The following DGKB variants were observed in gnomAD, a reference collection of about 807,000 sequenced individuals.
DGKB encodes diacylglycerol kinase beta.
In DGKB, 67 loss-of-function variants were observed where a neutral mutation model predicts 114.3. The observed-to-expected ratio is 0.59, with a 90% CI of 0.48 to 0.72. The LOEUF (loss-of-function observed/expected upper bound fraction) is 0.72. Ranked by LOEUF, DGKB falls within the 30% of genes least tolerant of loss-of-function variation. The pLI is 0.00. For synonymous variants in DGKB, 398 were observed against 323.1 expected (o/e 1.23, Z -2.49); for missense variants, 907 against 975.2 (o/e 0.93, Z 0.93).
chr7:14,668,419 G>C (rs887360788), intron 13 of DGKB, among the ~76,000 whole-genome samples: 1 of 152,094 alleles, frequency 6.6e-6, no homozygotes, highest in African/African-American at 2.4e-5. Context: ...GAAAATCTCA[G>C]AGCACAGCTC....
intron 1 of DGKB, among the ~76,000 whole-genome samples, chr7:14,848,672 C>A (rs550985925): frequency 8.6e-4 from 131 of 152,244 alleles, no homozygotes; most frequent in African/African-American, 3.1e-3. Context: ...GCCTGTACTT[C>A]TTCTTGTCTT....
chr7:14,655,908 G>T (rs1488347216), intron 13 of DGKB, among the ~76,000 whole-genome samples: 1 of 151,438 alleles, frequency 6.6e-6, no homozygotes. Context: ...GAGAGAAGTT[G>T]GTTAACTGAT....
chr7:14,383,923 T>C (rs1819902647), intron 21 of DGKB, among the ~76,000 whole-genome samples: 1 of 152,214 alleles, frequency 6.6e-6, no homozygotes, highest in Non-Finnish European at 1.5e-5. Flanking sequence ...GACATGTTAA[T>C]TGGCATTCAT....
chr7:14,885,689 T>C (rs1015879762), intron 1 of DGKB, among the ~76,000 whole-genome samples: 3 of 151,958 alleles, frequency 2.0e-5, no homozygotes, highest in Non-Finnish European at 4.4e-5. Context: ...TTTTGTACCA[T>C]GGACTGTGCT....
intron 21 of DGKB, among the ~76,000 whole-genome samples, chr7:14,375,749 C>G (rs192130032): frequency 6.6e-6 from 1 of 152,174 alleles, no homozygotes; most frequent in Non-Finnish European, 1.5e-5. Flanking sequence ...TGAAATGCTG[C>G]TGTTTTACTT....
intron 4 of DGKB, among the ~76,000 whole-genome samples, chr7:14,743,731 T>G (rs757022407): frequency 2.0e-5 from 3 of 152,204 alleles, no homozygotes; most frequent in Non-Finnish European, 4.4e-5. Context: ...CAATTAAGGT[T>G]GTTATATTAA....
At chr7:14,768,305 T>C (rs552810774) in intron 2 of DGKB, among the ~76,000 whole-genome samples, 36 of 152,084 alleles carry the variant, frequency 2.4e-4, no homozygotes, top group African/African-American at 8.4e-4. Context: ...TTAAATGTAG[T>C]TGAAGAATTT....
intron 21 of DGKB, among the ~76,000 whole-genome samples, chr7:14,350,857 A>T (rs1813313126): frequency 6.6e-6 from 1 of 152,140 alleles, no homozygotes; most frequent in Non-Finnish European, 1.5e-5. Context: ...TAGCTTAGTT[A>T]AAATGAAATT....
At chr7:14,864,267 T>C (rs898266221) in intron 1 of DGKB, among the ~76,000 whole-genome samples, 8 of 152,268 alleles carry the variant, frequency 5.3e-5, no homozygotes, top group South Asian at 2.1e-4. Context: ...ATCACTTAAA[T>C]AGCAGAATCT....
chr7:14,623,822 G>A (rs993024919), intron 14 of DGKB, among the ~76,000 whole-genome samples: 3 of 152,138 alleles, frequency 2.0e-5, no homozygotes, highest in African/African-American at 7.2e-5. Flanking sequence ...ATGGCATAAT[G>A]TATATAGGAG....
intron 2 of DGKB, among the ~76,000 whole-genome samples, chr7:14,769,982 A>G (rs1475115722): frequency 6.6e-6 from 1 of 152,148 alleles, no homozygotes; most frequent in Non-Finnish European, 1.5e-5. Context: ...TCCCAAATAT[A>G]AAGCCACCTT....
intron 23 of DGKB, among the ~76,000 whole-genome samples, chr7:14,216,283 A>T (rs1788946124): frequency 6.6e-6 from 1 of 152,180 alleles, no homozygotes; most frequent in African/African-American, 2.4e-5. Flanking sequence ...ACTGGTAAAT[A>T]TCAGTAACTA....
At chr7:14,893,695 AAT>A (rs1380341998) in intron 1 of DGKB, among the ~76,000 whole-genome samples, 1 of 151,364 alleles carries the variant, frequency 6.6e-6, no homozygotes, top group Non-Finnish European at 1.5e-5. Flanking sequence ...ATAAAAGAAT[AAT>A]GATTTCTAGG....
intron 21 of DGKB, among the ~76,000 whole-genome samples, chr7:14,373,678 G>C (rs1050042404): frequency 6.6e-6 from 1 of 151,930 alleles, no homozygotes; most frequent in Non-Finnish European, 1.5e-5. Context: ...GCTCTATCTT[G>C]GCTATCCATA....
At chr7:14,314,486 C>T (rs958189584) in intron 23 of DGKB, among the ~76,000 whole-genome samples, 4 of 151,916 alleles carry the variant, frequency 2.6e-5, no homozygotes, top group Non-Finnish European at 2.9e-5. Flanking sequence ...GTGAAGAATG[C>T]AGAAGGCTCA....
chr7:14,624,143 C>A (rs1051497949), intron 14 of DGKB, among the ~76,000 whole-genome samples: 2 of 152,182 alleles, frequency 1.3e-5, no homozygotes, highest in Middle Eastern at 3.4e-3. Flanking sequence ...GTGGTTACGT[C>A]AGGAACATAT....
chr7:14,723,818 C>A (rs558695606), intron 5 of DGKB, among the ~76,000 whole-genome samples: 1 of 152,050 alleles, frequency 6.6e-6, no homozygotes. Context: ...TTAGTCATAT[C>A]GAATGTTGCC....
intron 21 of DGKB, among the ~76,000 whole-genome samples, chr7:14,464,451 T>C (rs538658085): frequency 3.9e-5 from 6 of 152,162 alleles, no homozygotes; most frequent in Non-Finnish European, 7.4e-5. Flanking sequence ...AGAATATGTA[T>C]AAAGAACAAA....
intron 25 of DGKB, among the ~76,000 whole-genome samples, chr7:14,163,049 G>A (rs1784132098): frequency 6.6e-6 from 1 of 151,918 alleles, no homozygotes; most frequent in Non-Finnish European, 1.5e-5. Context: ...GTATTACTGA[G>A]CCTTTAAATT....
Sources: gnomAD v4.1 joint callset for allele counts (sites outside exome capture counted in the v4.1 genomes callset) on GRCh38, gnomAD v4.1.1 for gene constraint, MANE v1.5 for transcripts, NCBI Gene and HGNC (gene_info 2026-07-23, HGNC 2026-07-21) for gene names.